Variants in KCNMB2 observed in about 807,000 individuals in gnomAD.
KCNMB2 encodes calcium-activated potassium channel subunit beta-2.
In KCNMB2, 9 loss-of-function variants were observed where a neutral mutation model predicts 24.5. The observed-to-expected ratio is 0.37, with a 90% CI of 0.22 to 0.64. KCNMB2 has a LOEUF of 0.64. Among genes scored for constraint, KCNMB2 ranks in the 30% least tolerant of loss-of-function variants. KCNMB2 has a pLI of 0.63. For synonymous variants in KCNMB2, 109 were observed against 104.4 expected, an observed-to-expected ratio of 1.04 and a Z score of -0.27; for missense variants, 226 against 284.3, an observed-to-expected ratio of 0.79 and a Z score of 1.47.
At chr3:178,756,010 C>G (rs1724021254) in intron 1 of KCNMB2, among the ~76,000 whole-genome samples, 1 of 152,188 alleles carries the variant, frequency 6.6e-6, no homozygotes, top group South Asian at 2.1e-4. Flanking sequence ...TACAAACTTT[C>G]TTGCTGAAAA....
intron 1 of KCNMB2, among the ~76,000 whole-genome samples, chr3:178,768,020 C>CT (rs11291814): frequency 4.1e-4 from 60 of 148,134 alleles, no homozygotes; most frequent in African/African-American, 7.6e-4. Context: ...CTTGCCCAGT[C>CT]TTTTTTTTTT....
intron 1 of KCNMB2, among the ~76,000 whole-genome samples, chr3:178,673,919 C>T (rs1474019201): frequency 6.6e-6 from 1 of 152,134 alleles, no homozygotes; most frequent in African/African-American, 2.4e-5. Context: ...TAGACTTTTG[C>T]CCACATGTTT....
intron 1 of KCNMB2, among the ~76,000 whole-genome samples, chr3:178,748,661 C>G (rs942721301): frequency 3.9e-5 from 6 of 152,122 alleles, no homozygotes; most frequent in African/African-American, 1.4e-4. Context: ...AGGAAATATT[C>G]TGAACTTTAT....
chr3:178,785,058 T>C (rs1056432978), intron 1 of KCNMB2, among the ~76,000 whole-genome samples: 3 of 151,934 alleles, frequency 2.0e-5, no homozygotes, highest in Non-Finnish European at 4.4e-5. Flanking sequence ...GGCAGAAATA[T>C]GGCCAAAAGC....
intron 1 of KCNMB2, among the ~76,000 whole-genome samples, chr3:178,714,107 C>T (rs12489626): frequency 0.64 from 97,575 of 151,988 alleles, 31,621 homozygotes; most frequent in African/African-American, 0.73. Context: ...AATAGATTCC[C>T]GGTTATACTT....
chr3:178,570,413 A>T (rs1716730954), intron 1 of KCNMB2, among the ~76,000 whole-genome samples: 1 of 152,082 alleles, frequency 6.6e-6, no homozygotes, highest in African/African-American at 2.4e-5. Flanking sequence ...TTTCAAGAAG[A>T]CTAGAAACTT....
intron 2 of KCNMB2, among the ~76,000 whole-genome samples, chr3:178,816,080 A>G (rs1347165979): frequency 6.6e-6 from 1 of 151,890 alleles, no homozygotes; most frequent in Non-Finnish European, 1.5e-5. Flanking sequence ...TGATTTGTAT[A>G]CTATAAGTAC....
chr3:178,702,867 T>A (rs1722151019), intron 1 of KCNMB2, among the ~76,000 whole-genome samples: 1 of 152,186 alleles, frequency 6.6e-6, no homozygotes, highest in Non-Finnish European at 1.5e-5. Context: ...CTTAACAACT[T>A]TTCCTTTACT....
At chr3:178,541,111 A>C (rs1233467770) in intron 1 of KCNMB2, among the ~76,000 whole-genome samples, 1 of 152,176 alleles carries the variant, frequency 6.6e-6, no homozygotes, top group Non-Finnish European at 1.5e-5. Context: ...CTTTTTCCAA[A>C]GAGCACCTTC....
intron 1 of KCNMB2, among the ~76,000 whole-genome samples, chr3:178,625,126 C>A (rs76426839): frequency 8.2e-4 from 125 of 151,926 alleles, no homozygotes; most frequent in African/African-American, 3.0e-3. Context: ...GGCCCTTCTT[C>A]CCCCCATCAC....
chr3:178,721,974 T>C (rs192272770), intron 1 of KCNMB2, among the ~76,000 whole-genome samples: 1 of 152,344 alleles, frequency 6.6e-6, no homozygotes, highest in Non-Finnish European at 1.5e-5. Flanking sequence ...TTGTCAGATA[T>C]GTAATTTCAA....
rs375976039 is a variant in KCNMB2 at position 178,612,279 on chromosome 3, T to C, written c.-68+75568T>C. Among the ~76,000 whole-genome samples the C allele has an allele frequency of 2.6e-5, 4 of 152,286 alleles. No homozygotes were observed. The East Asian group carries it at 5.8e-4, about 22-fold the overall frequency. On this transcript the variant is annotated intron_variant, in intron 1 of 4. Coordinates refer to ENST00000452583, the MANE Select transcript of KCNMB2 (RefSeq NM_181361.3). ...TCTATTAGATCCATTTGGTCTACAGTGCAAATTTAGTCTGATTTTTTTTGT... is the reference window on the plus strand; with the variant it reads ...TCTATTAGATCCATTTGGTCTACAGCGCAAATTTAGTCTGATTTTTTTTGT...
chr3:178,696,692 G>A (rs1559978192), intron 1 of KCNMB2, among the ~76,000 whole-genome samples: 1 of 151,872 alleles, frequency 6.6e-6, no homozygotes. Flanking sequence ...TGTGATATTA[G>A]GTTGTTAACT....
At chr3:178,786,873 T>C (rs1713123046) in intron 1 of KCNMB2, among the ~76,000 whole-genome samples, 1 of 150,296 alleles carries the variant, frequency 6.7e-6, no homozygotes, top group Admixed American at 6.6e-5. Flanking sequence ...AAATGTAAAA[T>C]ATAAATTACA....
intron 1 of KCNMB2, among the ~76,000 whole-genome samples, chr3:178,666,080 G>A (rs1720708006): frequency 6.6e-6 from 1 of 152,128 alleles, no homozygotes; most frequent in Admixed American, 6.6e-5. Flanking sequence ...TGTGTCATTG[G>A]AGAGCAGCAG....
intron 3 of KCNMB2, among the ~76,000 whole-genome samples, 179 bp from the exon 4 acceptor site, chr3:178,827,999 T>C (rs1249668819): frequency 6.6e-6 from 1 of 152,222 alleles, no homozygotes; most frequent in Non-Finnish European, 1.5e-5. Flanking sequence ...TTGTCTATGT[T>C]ATACGGTAGT....
At chr3:178,559,438 C>A (rs963484902) in intron 1 of KCNMB2, among the ~76,000 whole-genome samples, 8 of 151,464 alleles carry the variant, frequency 5.3e-5, no homozygotes, top group Non-Finnish European at 7.4e-5. Context: ...TGTATTTGAA[C>A]AATTTTTTAA....
intron 1 of KCNMB2, among the ~76,000 whole-genome samples, chr3:178,617,889 T>TAA (rs3052262): frequency 9.9e-4 from 98 of 99,228 alleles, no homozygotes; most frequent in African/African-American, 3.2e-3. Context: ...AGACTCTGTC[T>TAA]AAAAAAAAAA....
At chr3:178,687,093 G>GGATA (rs1357035641) in intron 1 of KCNMB2, among the ~76,000 whole-genome samples, 4 of 152,100 alleles carry the variant, frequency 2.6e-5, no homozygotes, top group Non-Finnish European at 5.9e-5. Context: ...GGGTGGCTAA[G>GGATA]GATAACAAAG....
Sources: allele counts gnomAD v4.1 joint callset (sites outside exome capture counted in the v4.1 genomes callset), GRCh38; gene constraint gnomAD v4.1.1; transcripts MANE v1.5; gene names NCBI Gene and HGNC (gene_info 2026-07-23, HGNC 2026-07-21).